Variants in ECPAS observed in about 807,000 individuals in gnomAD.
ECPAS encodes proteasome adapter and scaffold protein ECM29.
ECPAS carries 70 observed loss-of-function variants against 255.1 expected under a neutral mutation model. The observed-to-expected ratio is 0.27, with a 90% CI of 0.23 to 0.33. ECPAS has a LOEUF of 0.33. ECPAS is among the 10% of genes least tolerant of loss of function. ECPAS has a pLI of 1.00. For synonymous variants in ECPAS, 784 were observed against 775.0 expected (o/e 1.01, Z -0.19); for missense variants, 1,817 against 2,206.4 (o/e 0.82, Z 3.54).
At chr9:111,434,083 T>G (rs1353543709) in intron 7 of ECPAS, among the ~76,000 whole-genome samples, 3 of 152,164 alleles carry the variant, frequency 2.0e-5, no homozygotes. Context: ...TTCATTTTCA[T>G]CTTAAAAAAT....
chr9:111,467,653 A>G (rs1416658703), intron 2 of ECPAS, among the ~76,000 whole-genome samples: 4 of 152,246 alleles, frequency 2.6e-5, no homozygotes, highest in Admixed American at 6.5e-5. Flanking sequence ...ACACCACACG[A>G]TATTTTTTAA....
intron 1 of ECPAS, among the ~76,000 whole-genome samples, 174 bp from the exon 2 acceptor site, chr9:111,473,174 C>G (rs979935736): frequency 2.0e-5 from 3 of 152,074 alleles, no homozygotes; most frequent in Non-Finnish European, 4.4e-5. Context: ...AGAATAAGGC[C>G]TATGTCCACA....
At position 111,366,241 on chromosome 9, in the gene ECPAS, A is replaced by T; in HGVS notation, c.5306T>A (p.Leu1769Ter). ...CAGTTTTAGTTTACTACACTCACCT[A>T]AAGAATATGTGATTGATTTACAAGT... The part of the protein sequence containing the change: ...LETCKSITYS[L>*]ENKTYSSVRT... The change falls in exon 48 of 50, where the codon TTA (leucine) becomes TAA (stop). Residue 1769 changes from leucine to a stop codon, truncating the protein, a stop_gained and splice_region_variant. Coordinates refer to ENST00000684092, the MANE Select transcript of ECPAS (RefSeq NM_001364929.1). LOFTEE classifies it high-confidence loss of function. 6.4e-7 allele frequency: 1 copy of T among 1,559,514 alleles called. No homozygotes were observed. The highest frequency in any genetic ancestry group is 8.7e-7 in the Non-Finnish European group (1 of 1,148,378).
chr9:111,446,177 T>A (rs2098252701), intron 3 of ECPAS, among the ~76,000 whole-genome samples: 1 of 152,188 alleles, frequency 6.6e-6, no homozygotes, highest in Non-Finnish European at 1.5e-5. Context: ...AAATAATTTG[T>A]AAGAAATAAC....
intron 49 of ECPAS, among the ~76,000 whole-genome samples, chr9:111,362,737 G>A (rs979596050): frequency 6.6e-6 from 1 of 152,100 alleles, no homozygotes; most frequent in African/African-American, 2.4e-5. Flanking sequence ...TGTGGCTTCA[G>A]GCAAGTTTAG....
chr9:111,423,327 C>A (rs2098216982), intron 12 of ECPAS, 79 bp from the exon 13 acceptor site: 1 of 950,614 alleles, frequency 1.1e-6, no homozygotes, highest in African/African-American at 1.7e-5. Flanking sequence ...ACAGTAAAAC[C>A]TTTTCGCTGC....
chr9:111,459,832 A>G (rs2098271113), intron 2 of ECPAS, among the ~76,000 whole-genome samples: 1 of 152,218 alleles, frequency 6.6e-6, no homozygotes, highest in African/African-American at 2.4e-5. Flanking sequence ...CCCACACAAA[A>G]AAATGGCAGG....
chr9:111,366,696 G>T, intron 46 of ECPAS, 69 bp from the exon 47 acceptor site: 1 of 962,686 alleles, frequency 1.0e-6, no homozygotes, highest in Non-Finnish European at 1.7e-6. Context: ...GAATAAATGA[G>T]GGACAGGCAG....
intron 23 of ECPAS, 39 bp from the exon 24 acceptor site, chr9:111,408,711 T>TATA: frequency 7.8e-7 from 1 of 1,279,564 alleles, no homozygotes; most frequent in Non-Finnish European, 1.1e-6. Context: ...AAACAGAGTA[T>TATA]ATAATAGCTT....
chr9:111,449,614 CA>C (rs1003576058), intron 3 of ECPAS, among the ~76,000 whole-genome samples: 1 of 150,932 alleles, frequency 6.6e-6, no homozygotes, highest in Non-Finnish European at 1.5e-5. Flanking sequence ...TACAAAGAAA[CA>C]AAAAAAAATC....
chr9:111,468,338 T>A (rs1171888300), intron 2 of ECPAS, among the ~76,000 whole-genome samples: 1 of 152,150 alleles, frequency 6.6e-6, no homozygotes, highest in Admixed American at 6.5e-5. Flanking sequence ...AACTACTAAG[T>A]GGCAGGGCTG....
chr9:111,393,057 T>C (rs941677490), intron 27 of ECPAS, among the ~76,000 whole-genome samples, 175 bp from the exon 28 acceptor site: 10 of 152,312 alleles, frequency 6.6e-5, no homozygotes, highest in African/African-American at 2.4e-4. Flanking sequence ...TCAGGGGACA[T>C]GGCACCACAC....
chr9:111,426,850 C>G (rs2098222410), intron 10 of ECPAS, among the ~76,000 whole-genome samples: 1 of 152,008 alleles, frequency 6.6e-6, no homozygotes, highest in Non-Finnish European at 1.5e-5. Context: ...TGCCTGTAGT[C>G]CCAGCTACTT....
At chr9:111,443,360 C>T (rs150165378) in intron 4 of ECPAS, among the ~76,000 whole-genome samples, 6,368 of 152,214 alleles carry the variant, frequency 0.042, 284 homozygotes, top group East Asian at 0.14. Context: ...AAGTGATTCC[C>T]CTGCCTCAGT....
At chr9:111,452,398 C>T (rs2098261479) in intron 2 of ECPAS, among the ~76,000 whole-genome samples, 1 of 151,904 alleles carries the variant, frequency 6.6e-6, no homozygotes, top group Admixed American at 6.6e-5. Flanking sequence ...TCTACACTTT[C>T]ATACCTTCTA....
At chr9:111,467,765 A>G (rs890532871) in intron 2 of ECPAS, among the ~76,000 whole-genome samples, 3 of 152,214 alleles carry the variant, frequency 2.0e-5, no homozygotes, top group East Asian at 1.9e-4. Context: ...ATTCACAGAT[A>G]TAAGTATATA....
chr9:111,428,324 G>A (rs927437508), intron 9 of ECPAS, among the ~76,000 whole-genome samples, 163 bp from the exon 10 acceptor site: 2 of 152,056 alleles, frequency 1.3e-5, no homozygotes, highest in African/African-American at 4.8e-5. Context: ...GTTTATATCT[G>A]TGTAACCTAT....
rs2098164448 is a variant in ECPAS at position 111,394,265 on chromosome 9, C to T, written c.2817G>A (p.Val939=). The change falls in exon 26 of 50, where the codon GTG becomes GTA. Residue 939 remains valine (V), a synonymous_variant. Coordinates refer to ENST00000684092, the MANE Select transcript of ECPAS (RefSeq NM_001364929.1). The part of the protein sequence containing the change: ...VNDVVPWVLD[V]ILNKHIISPN... ...GGCTGATGATATGTTTATTTAAAAT[C>T]ACATCCAACACCCATGGAACCACAT... The T allele has an allele frequency of 6.3e-7, 1 of 1,599,544 alleles. No homozygotes were observed. Among genetic ancestry groups the T allele is most frequent in the African/African-American group, 1.3e-5 (1 of 74,430 alleles).
At chr9:111,414,325 T>C (rs377715423) in intron 19 of ECPAS, 104 bp downstream of exon 19, 9 of 974,580 alleles carry the variant, frequency 9.2e-6, no homozygotes, top group South Asian at 6.5e-5. Context: ...AATGTTCAGT[T>C]ACAGAAGAAA....
Sources: allele counts gnomAD v4.1 joint callset (sites outside exome capture counted in the v4.1 genomes callset), GRCh38; gene constraint gnomAD v4.1.1; transcripts MANE v1.5; gene names NCBI Gene and HGNC (gene_info 2026-07-23, HGNC 2026-07-21).